CREBBP: variants seen among roughly 807,000 people sequenced by gnomAD.
The protein encoded by CREBBP is CREB binding lysine acetyltransferase.
In CREBBP, 19 loss-of-function variants were observed where a neutral mutation model predicts 265.0. That is an observed-to-expected ratio of 0.07 (90% CI 0.05 to 0.11). The LOEUF is 0.11. CREBBP is among the 10% of genes least tolerant of loss of function. CREBBP has a pLI of 1.00. For missense variants in CREBBP, 2,525 were observed against 3,219.0 expected (o/e 0.78, Z 5.22); for synonymous variants, 1,457 against 1,223.7 (o/e 1.19, Z -3.98).
At chr16:3,736,324 TGC>T (rs1491519490) in intron 27 of CREBBP, 121 bp from the exon 28 acceptor site, 1 of 1,049,454 alleles carries the variant, frequency 9.5e-7, no homozygotes, top group Admixed American at 1.8e-5. Context: ...CATGCATGTG[TGC>T]CCCCCCACCA....
At chr16:3,836,737 G>C (rs954098737) in intron 2 of CREBBP, among the ~76,000 whole-genome samples, 1 of 152,132 alleles carries the variant, frequency 6.6e-6, no homozygotes, top group African/African-American at 2.4e-5. Flanking sequence ...ATAAAGCAAC[G>C]AAGATAATGG....
At chr16:3,746,815 T>G (rs2052353465) in intron 21 of CREBBP, among the ~76,000 whole-genome samples, 1 of 152,124 alleles carries the variant, frequency 6.6e-6, no homozygotes, top group African/African-American at 2.4e-5. Context: ...CATGGTGGTG[T>G]GTGCCTGTAG....
chr16:3,748,586 A>G (rs1266736011), intron 21 of CREBBP, among the ~76,000 whole-genome samples: 2 of 152,172 alleles, frequency 1.3e-5, no homozygotes, highest in African/African-American at 4.8e-5. Context: ...TTCCCTGGAG[A>G]GGGTCAGGAT....
In CREBBP at chr16:3,814,189, G is replaced by GTGTGTGTT. The variant is rs1555489915; in HGVS notation, c.799-3418_799-3411dup. On this transcript the variant is annotated intron_variant, in intron 2 of 30. Transcript: ENST00000262367. ...AGTGTGTGTGTGTGTGTGTGTGTGT[G>GTGTGTGTT]TGTGTGTTTGAGACAGAGTCTCGTT... Among the ~76,000 whole-genome samples, 1,289 of 149,262 alleles carry GTGTGTGTT rather than the reference G, an allele frequency of 8.6e-3. 21 individuals are homozygous for GTGTGTGTT. The highest frequency in any genetic ancestry group is 0.031 in the African/African-American group (1,207 of 39,320).
intron 16 of CREBBP, chr16:3,761,421 G>A (rs1320960233): frequency 9.1e-6 from 4 of 441,866 alleles, no homozygotes; most frequent in Non-Finnish European, 1.3e-5. Flanking sequence ...ACAAATTCTG[G>A]AAAGCGTCAT....
At chr16:3,850,171 A>C in intron 2 of CREBBP, 126 bp downstream of exon 2, 3 of 879,030 alleles carry the variant, frequency 3.4e-6, no homozygotes, top group Non-Finnish European at 5.8e-6. Context: ...TCTTCCAAGC[A>C]TGAGTGGCAC....
intron 3 of CREBBP, among the ~76,000 whole-genome samples, chr16:3,799,557 G>T (rs8047652): frequency 0.13 from 20,499 of 152,232 alleles, 3,549 homozygotes; most frequent in African/African-American, 0.39. Flanking sequence ...CACTTCTCAT[G>T]ATTCATTGTT....
At chr16:3,852,232 G>A (rs1435225718) in intron 1 of CREBBP, among the ~76,000 whole-genome samples, 8 of 128,428 alleles carry the variant, frequency 6.2e-5, no homozygotes, top group Admixed American at 8.9e-5. Flanking sequence ...GCAGTGGCGT[G>A]ATCTCGGCTC....
rs2151299474 is a variant in CREBBP, at chr16:3,727,979, G to A, written c.7068C>T (p.Ser2356=). Reference sequence around the variant, plus strand: ...GTGACGGGCTGGAATGTGGAGGCTGGGACTGGGGCCGTGGAGACTGGACAG... The same window carrying A: ...GTGACGGGCTGGAATGTGGAGGCTGAGACTGGGGCCGTGGAGACTGGACAG... ...PAPVQSPRPQ[S]QPPHSSPSPR... The change falls in exon 31 of 31, where the codon TCC becomes TCT. Residue 2356 remains serine (S), a synonymous_variant. Transcript: ENST00000262367. The A allele has an allele frequency of 6.2e-7, 1 of 1,608,762 alleles. No individual in the cohort carries two copies. The highest frequency in any genetic ancestry group is 8.5e-7 in the Non-Finnish European group (1 of 1,176,136).
chr16:3,804,295 T>A (rs984205365), intron 3 of CREBBP, among the ~76,000 whole-genome samples: 3 of 152,152 alleles, frequency 2.0e-5, no homozygotes, highest in African/African-American at 7.2e-5. Context: ...TATATACATA[T>A]GTATTCTTCA....
rs755408011 is a variant in CREBBP at position 3,793,580 on chromosome 16, G to A, written c.1022C>T (p.Ala341Val). 6.2e-6 allele frequency: 10 copies of A among 1,613,826 alleles called. No homozygotes were observed. The South Asian group carries it at 7.7e-5, about 12-fold the overall frequency. The change falls in exon 4 of 31, where the codon GCA becomes GTA. Residue 341 changes from alanine to valine, a missense_variant. Around this residue, in one of 19 missense-constraint regions of CREBBP, gnomAD observed 126 missense variants for 171.9 expected, o/e 0.73. Transcript: ENST00000262367. ...TTCAGGATCTGCAGTGGGGCCTGTT[G>A]CAATTGCTTGTGTGGGTACAATTCC... ...SVGIVPTQAI[A>V]TGPTADPEKR...
In CREBBP at chr16:3,725,541, C is replaced by T. The variant is rs756515091; in HGVS notation, c.*2177G>A. ...ACTGGAGGTTAAGAACCCAGCAGGCCGAGCAGTGGCAGCAATCTCCACCGG... is the reference window on the plus strand; with the variant it reads ...ACTGGAGGTTAAGAACCCAGCAGGCTGAGCAGTGGCAGCAATCTCCACCGG... On this transcript the variant is annotated 3_prime_UTR_variant, in exon 31 of 31. Transcript: ENST00000262367. 6.0e-5 allele frequency: 14 copies of T among 233,166 alleles called. 1 individual carries two copies. Among genetic ancestry groups the T allele is most frequent in the Non-Finnish European group, 9.3e-5 (11 of 118,058 alleles). The allele number at this position is 233,166 out of a possible 1,614,324, so 14.4% of individuals were successfully genotyped here.
chr16:3,847,701 C>T (rs757083388), intron 2 of CREBBP, among the ~76,000 whole-genome samples: 1 of 152,176 alleles, frequency 6.6e-6, no homozygotes, highest in Non-Finnish European at 1.5e-5. Context: ...TGAAGTGTTA[C>T]AGGTGTAATC....
In CREBBP at chr16:3,769,222, C is replaced by G. The variant is rs746265426; in HGVS notation, c.3012G>C (p.Glu1004Asp). The G allele has an allele frequency of 1.2e-6, 2 of 1,614,140 alleles. No homozygotes were observed. Among genetic ancestry groups the G allele is most frequent in the South Asian group, 1.1e-5 (1 of 91,070 alleles). ...VLEMKTETQA[E>D]DTEPDPGESK... Reference sequence around the variant, plus strand: ...ATTCACCAGGATCGGGCTCAGTGTCCTCTGCTTGGGTCTCCGTCTTCATTT... The same window carrying G: ...ATTCACCAGGATCGGGCTCAGTGTCGTCTGCTTGGGTCTCCGTCTTCATTT... Residue 1004 changes from glutamate to aspartate, a missense_variant, in exon 15 of 31, where the codon GAG becomes GAC. Glu to Asp is a conservative substitution (Grantham distance 45). Coordinates refer to ENST00000262367, the MANE Select transcript of CREBBP (RefSeq NM_004380.3).
chr16:3,840,291 C>T (rs2054541066), intron 2 of CREBBP, among the ~76,000 whole-genome samples: 1 of 152,148 alleles, frequency 6.6e-6, no homozygotes, highest in Non-Finnish European at 1.5e-5. Flanking sequence ...GATAGTTTCA[C>T]ACTTGTAATC....
chr16:3,817,255 A>G (rs1481108090), intron 2 of CREBBP, among the ~76,000 whole-genome samples: 1 of 152,216 alleles, frequency 6.6e-6, no homozygotes, highest in African/African-American at 2.4e-5. Flanking sequence ...GCCCTTACCC[A>G]GAGCTTTCCA....
chr16:3,729,898 G>A (rs2051865236), intron 30 of CREBBP, 24 bp from the exon 31 acceptor site: 2 of 1,598,858 alleles, frequency 1.3e-6, no homozygotes, highest in East Asian at 2.2e-5. Context: ...AAGGGGACAG[G>A]CCGGTGTCAG....
At chr16:3,757,239 G>A (rs1249341933) in intron 19 of CREBBP, 49 bp downstream of exon 19, 1 of 1,404,770 alleles carries the variant, frequency 7.1e-7, no homozygotes, top group Non-Finnish European at 1.0e-6. Flanking sequence ...ATAACCAGAT[G>A]AACGTGCCTT....
chr16:3,861,766 T>C (rs2055080200), intron 1 of CREBBP, among the ~76,000 whole-genome samples: 1 of 151,954 alleles, frequency 6.6e-6, no homozygotes, highest in South Asian at 2.1e-4. Flanking sequence ...AACTTTTTTT[T>C]TTTTTTTTAC....
Sources: gnomAD v4.1 joint callset for allele counts (sites outside exome capture counted in the v4.1 genomes callset) on GRCh38, gnomAD v4.1.1 for gene constraint, gnomAD v4.1.1 regional missense constraint, MANE v1.5 for transcripts, NCBI Gene and HGNC (gene_info 2026-07-23, HGNC 2026-07-21) for gene names.